The following UTS2 variants were observed in gnomAD, a reference collection of about 807,000 sequenced individuals.
The protein encoded by UTS2 is urotensin 2.
UTS2 carries 10 observed loss-of-function variants against 12.6 expected under a neutral mutation model. The ratio of observed to expected loss-of-function variants is 0.80; its 90% CI spans 0.49 to 1.35. UTS2 has a LOEUF of 1.35. UTS2 is among the 40% of genes most tolerant of loss of function. The pLI, the probability that UTS2 is intolerant of heterozygous loss-of-function variation, is 0.00. For synonymous variants in UTS2, 52 were observed against 50.0 expected (o/e 1.04, Z -0.17); for missense variants, 142 against 143.2 (o/e 0.99, Z 0.04).
chr1:7,869,481 C>G, the UTS2 span, among the ~76,000 whole-genome samples: 2 of 152,192 alleles, frequency 1.3e-5, no homozygotes, highest in Admixed American at 1.3e-4. Context: ...TTCCACAGGC[C>G]GAGGTTTTTA....
At chr1:7,849,047 C>T (rs2097411017) in intron 3 of UTS2, among the ~76,000 whole-genome samples, 1 of 152,168 alleles carries the variant, frequency 6.6e-6, no homozygotes, top group Non-Finnish European at 1.5e-5. Context: ...TGAATGAGAG[C>T]ACAAGTGGAT....
At chr1:7,863,195 T>A in the UTS2 span, among the ~76,000 whole-genome samples, 1 of 151,896 alleles carries the variant, frequency 6.6e-6, no homozygotes, top group African/African-American at 2.4e-5. Flanking sequence ...CACTGCAACC[T>A]CCGCCTCCCG....
the UTS2 span, among the ~76,000 whole-genome samples, chr1:7,878,805 T>C: frequency 6.6e-6 from 1 of 152,108 alleles, no homozygotes; most frequent in Non-Finnish European, 1.5e-5. Context: ...ACATATGGAC[T>C]AAAAGTGAAA....
the UTS2 span, among the ~76,000 whole-genome samples, chr1:7,860,400 G>A: frequency 5.3e-5 from 8 of 152,224 alleles, no homozygotes; most frequent in East Asian, 3.9e-4. Context: ...CAGGAGGCCC[G>A]TGTGGTTCAG....
rs537915854 is a variant in UTS2 at position 7,851,864 on chromosome 1, CTA to C, written c.104-944_104-943del. Among the ~76,000 whole-genome samples the C allele has an allele frequency of 1.6e-4, 25 of 152,340 alleles. No homozygotes were observed. The East Asian group carries it at 3.5e-3, about 21-fold the overall frequency. On this transcript the variant is annotated intron_variant, in intron 1 of 3. Transcript: ENST00000361696. ...GTGTGAGATGCTACACTCATTTCAT[CTA>C]TGTTTCTTAAATTACTTGTAAAATT... is the stretch of plus-strand genomic sequence containing the variant.
At chr1:7,857,981 G>A (rs914867679), upstream of UTS2, among the ~76,000 whole-genome samples, 1 of 152,102 alleles carries the variant, frequency 6.6e-6, no homozygotes, top group Non-Finnish European at 1.5e-5. Flanking sequence ...ACGGACTCAG[G>A]CCAAGAGACA....
chr1:7,890,773 G>C, the UTS2 span, among the ~76,000 whole-genome samples: 1 of 145,882 alleles, frequency 6.9e-6, no homozygotes, highest in Admixed American at 6.9e-5. Flanking sequence ...GCATGCACCT[G>C]TGGTCCCAGC....
upstream of UTS2, chr1:7,853,601 C>T: frequency 2.3e-6 from 2 of 853,534 alleles, no homozygotes; most frequent in Non-Finnish European, 3.5e-6. Context: ...CAATTCTGTA[C>T]ATACACGTGG....
At chr1:7,909,225 C>T in the UTS2 span, among the ~76,000 whole-genome samples, 7 of 152,074 alleles carry the variant, frequency 4.6e-5, no homozygotes, top group Non-Finnish European at 8.8e-5. Flanking sequence ...ACAGCCAAAG[C>T]GTATCAGCGT....
At chr1:7,856,915 G>T (rs140876940), upstream of UTS2, among the ~76,000 whole-genome samples, 5,783 of 152,070 alleles carry the variant, frequency 0.038, 161 homozygotes, top group Middle Eastern at 0.092. Flanking sequence ...ACAAAAATTA[G>T]CCGGGAGTAG....
chr1:7,913,226 C>T, the UTS2 span, among the ~76,000 whole-genome samples: 16 of 152,112 alleles, frequency 1.1e-4, no homozygotes, highest in East Asian at 3.1e-3. Flanking sequence ...CACCGGCAGT[C>T]TCTAGCTCAG....
chr1:7,875,974 G>C, the UTS2 span, among the ~76,000 whole-genome samples: 1 of 152,096 alleles, frequency 6.6e-6, no homozygotes, highest in African/African-American at 2.4e-5. Flanking sequence ...CACCACTGCT[G>C]GTACCCAAGC....
the UTS2 span, among the ~76,000 whole-genome samples, chr1:7,903,490 C>T: frequency 6.6e-6 from 1 of 151,868 alleles, no homozygotes; most frequent in Non-Finnish European, 1.5e-5. Context: ...GGGTTCAAGC[C>T]ATTTTCTTGC....
At chr1:7,892,730 A>G in the UTS2 span, among the ~76,000 whole-genome samples, 1 of 151,778 alleles carries the variant, frequency 6.6e-6, no homozygotes, top group Non-Finnish European at 1.5e-5. Context: ...CAAGCAATTC[A>G]GCGGCCTCGG....
chr1:7,895,270 G>A, the UTS2 span, among the ~76,000 whole-genome samples: 5 of 152,092 alleles, frequency 3.3e-5, no homozygotes, highest in Non-Finnish European at 5.9e-5. Flanking sequence ...TCAGGAGGCT[G>A]AGGCAGGAGA....
At chr1:7,847,948 C>A in intron 3 of UTS2, 66 bp from the exon 4 acceptor site, 2 of 1,166,166 alleles carry the variant, frequency 1.7e-6, no homozygotes, top group South Asian at 2.7e-5. Flanking sequence ...AGTGACGATT[C>A]CTATAAGAAA....
the UTS2 span, among the ~76,000 whole-genome samples, chr1:7,883,367 C>T: frequency 6.6e-6 from 1 of 152,050 alleles, no homozygotes; most frequent in Non-Finnish European, 1.5e-5. Flanking sequence ...ATGATAGTTA[C>T]TAGAGTCTGG....
chr1:7,863,030 ATT>A, the UTS2 span, among the ~76,000 whole-genome samples: 8 of 31,556 alleles, frequency 2.5e-4, no homozygotes, highest in Non-Finnish European at 2.9e-4. Flanking sequence ...ATTGTATTGT[ATT>A]GTATTGTATT....
At chr1:7,908,295 TAAA>T in the UTS2 span, among the ~76,000 whole-genome samples, 79 of 107,848 alleles carry the variant, frequency 7.3e-4, no homozygotes, top group Admixed American at 1.7e-3. Flanking sequence ...AGACTCCGTC[TAAA>T]AAAAAAAAAA....
Sources: allele counts gnomAD v4.1 joint callset (sites outside exome capture counted in the v4.1 genomes callset), GRCh38; gene constraint gnomAD v4.1.1; transcripts MANE v1.5; gene names NCBI Gene and HGNC (gene_info 2026-07-23, HGNC 2026-07-21).